TEX2: variants seen among roughly 807,000 people sequenced by gnomAD.
TEX2 encodes the protein testis-expressed protein 2.
In TEX2, 53 loss-of-function variants were observed where a neutral mutation model predicts 106.9. That is an observed-to-expected ratio of 0.50 (90% CI 0.40 to 0.62). The LOEUF (loss-of-function observed/expected upper bound fraction) is 0.62. Ranked by LOEUF, TEX2 falls within the 20% of genes least tolerant of loss-of-function variation. The pLI is 0.00. For synonymous variants in TEX2, 523 were observed against 534.8 expected, an observed-to-expected ratio of 0.98 and a Z score of 0.30; for missense variants, 1,207 against 1,379.0, an observed-to-expected ratio of 0.88 and a Z score of 1.98.
In TEX2 at chr17:64,171,138, T is replaced by C; in HGVS notation, c.2633A>G (p.Lys878Arg). 6.2e-7 allele frequency: 1 copy of C among 1,614,062 alleles called. No individual in the cohort carries two copies. Residue 878 changes from lysine (K) to arginine (R), a missense_variant, in exon 7 of 12, where the codon AAA becomes AGA. Physicochemically the swap from Lys to Arg is conservative, Grantham distance 26 (BLOSUM62 2). Transcript: ENST00000584379. The part of the protein sequence containing the change: ...TELDMGVAVP[K>R]ILQAFKPYVD... ...GTAAGGCTTGAAGGCCTGGAGGATT[T>C]TTGGCACAGCCACGCCCATGTCAAG...
At chr17:64,234,261 T>C (rs2033720454) in intron 1 of TEX2, among the ~76,000 whole-genome samples, 1 of 152,226 alleles carries the variant, frequency 6.6e-6, no homozygotes, top group Non-Finnish European at 1.5e-5. Context: ...ATGGCTGTAT[T>C]GGGGCTCCAT....
intron 1 of TEX2, among the ~76,000 whole-genome samples, chr17:64,227,062 C>T (rs1237937878): frequency 6.6e-6 from 1 of 151,914 alleles, no homozygotes; most frequent in African/African-American, 2.4e-5. Context: ...CCCGCCTCTA[C>T]TGAAAATACA....
intron 2 of TEX2, among the ~76,000 whole-genome samples, chr17:64,200,011 A>G (rs2032606851): frequency 6.6e-6 from 1 of 152,264 alleles, no homozygotes; most frequent in Non-Finnish European, 1.5e-5. Context: ...ATGAGAGAAG[A>G]TAATCTAAGT....
Position 64,205,148 on chromosome 17 carries a change from G to C in TEX2, c.1644+7426C>G, listed in dbSNP as rs2032789208. On this transcript the variant is annotated intron_variant, in intron 2 of 11. Coordinates refer to ENST00000584379, the MANE Select transcript of TEX2 (RefSeq NM_001288732.2). The surrounding 1 kb of genome is among the most constrained non-coding windows in gnomAD (Gnocchi z 4.0). The stretch of plus-strand genomic sequence containing the variant: ...ACCTTCTGGTAAGTGAGGGCTGCCT[G>C]CATCAAAACATCTCACTGATTAGCC... Among the ~76,000 whole-genome samples the C allele has an allele frequency of 2.6e-5, 4 of 152,126 alleles. No homozygotes were observed. Among genetic ancestry groups the C allele is most frequent in the Admixed American group, 2.6e-4 (4 of 15,276 alleles).
In TEX2 at chr17:64,148,845, C is replaced by G; in HGVS notation, c.*124G>C. ...GGAATGGGCACTGGCAGGCAGAGGGCAGAAGCAGTCCTTTAAGAAACAGTA... is the reference window on the plus strand; with the variant it reads ...GGAATGGGCACTGGCAGGCAGAGGGGAGAAGCAGTCCTTTAAGAAACAGTA... On this transcript the variant is annotated 3_prime_UTR_variant, in exon 12 of 12. Coordinates refer to ENST00000584379, the MANE Select transcript of TEX2 (RefSeq NM_001288732.2). 8.0e-7 allele frequency: 1 copy of G among 1,246,464 alleles called. No individual in the cohort carries two copies. The highest frequency in any genetic ancestry group is 1.5e-5 in the African/African-American group (1 of 66,160). 77.2% of individuals were successfully genotyped at this position (1,246,464 alleles called of 1,614,324 possible). A position where few individuals can be genotyped will look rare whatever the true frequency, so the allele number is the denominator to read the frequency against.
chr17:64,241,202 T>C (rs1670645997), intron 1 of TEX2, among the ~76,000 whole-genome samples: 3 of 152,262 alleles, frequency 2.0e-5, no homozygotes, highest in South Asian at 2.1e-4. Flanking sequence ...TGGAAGACAG[T>C]TGGGAACTAC....
intron 1 of TEX2, among the ~76,000 whole-genome samples, chr17:64,221,408 C>T (rs1253014229): frequency 2.0e-5 from 3 of 152,016 alleles, no homozygotes; most frequent in African/African-American, 7.3e-5. Context: ...GACAGTTCTC[C>T]AAAAAGATAT....
intron 1 of TEX2, among the ~76,000 whole-genome samples, chr17:64,231,387 G>C (rs1245976271): frequency 6.6e-6 from 1 of 152,188 alleles, no homozygotes; most frequent in Non-Finnish European, 1.5e-5. Context: ...TGTGGTCACT[G>C]TTGTGCCCAT....
rs59960456 is a variant in TEX2 at position 64,196,982 on chromosome 17, ATTTTTTT to A, written c.1645-1894_1645-1888del. 9.4e-4 allele frequency among the ~76,000 whole-genome samples: 60 copies of A among 63,580 alleles called. 1 individual carries two copies. The East Asian group carries it at 9.5e-3, about 10-fold the overall frequency. 41.7% of individuals were successfully genotyped at this position (63,580 alleles called of 152,430 possible). On this transcript the variant is annotated intron_variant, in intron 2 of 11. Transcript: ENST00000584379. The stretch of plus-strand genomic sequence containing the variant: ...GAAATCAGGGAATAGTCAAATCAAG[ATTTTTTT>A]TTTTTTTTTTTTTTTTTGGAGAGCC...
intron 10 of TEX2, among the ~76,000 whole-genome samples, chr17:64,152,703 C>T (rs905021565): frequency 3.3e-5 from 5 of 152,218 alleles, no homozygotes; most frequent in African/African-American, 1.2e-4. Context: ...ATCTCATAAA[C>T]TTCATGTATT....
In TEX2 at chr17:64,171,168, G is replaced by C; in HGVS notation, c.2603C>G (p.Thr868Arg). ...CACAGCCACGCCCATGTCAAGTTCC[G>C]TCAGAGTGAGCTCATTCATAAAGTA... ...LPYFMNELTL[T>R]ELDMGVAVPK... The change falls in exon 7 of 12, where the codon ACG becomes AGG. Residue 868 changes from threonine (T) to arginine (R), a missense_variant. Coordinates refer to ENST00000584379, the MANE Select transcript of TEX2 (RefSeq NM_001288732.2). 2 of 1,614,012 alleles carry C rather than the reference G, an allele frequency of 1.2e-6. No individual in the cohort carries two copies. The highest frequency in any genetic ancestry group is 8.5e-7 in the Non-Finnish European group (1 of 1,179,956).
chr17:64,227,236 A>AG (rs1342179098), intron 1 of TEX2, among the ~76,000 whole-genome samples: 1 of 151,782 alleles, frequency 6.6e-6, no homozygotes, highest in African/African-American at 2.4e-5. Flanking sequence ...AAAAAAAAAA[A>AG]AAAGAAAATG....
At chr17:64,210,829 T>A (rs925174517) in intron 2 of TEX2, among the ~76,000 whole-genome samples, 16 of 152,172 alleles carry the variant, frequency 1.1e-4, no homozygotes, top group African/African-American at 3.9e-4. Context: ...GTTCTCCTTT[T>A]CATACATCTC....
At chr17:64,184,596 T>C (rs12951402) in intron 5 of TEX2, among the ~76,000 whole-genome samples, 80,021 of 152,118 alleles carry the variant, frequency 0.53, 22,940 homozygotes, top group East Asian at 0.82. Flanking sequence ...AAGTTTCTAA[T>C]TTTGATGAAG....
In TEX2 at chr17:64,188,197, C is replaced by T. The variant is rs1555628095; in HGVS notation, c.2395G>A (p.Ala799Thr). The change falls in exon 5 of 12, where the codon GCG becomes ACG. Residue 799 changes from alanine (A) to threonine (T), a missense_variant. Transcript: ENST00000584379. ...TTCCCAGCTGTGGGGCTGCTCTCCG[C>T]ACTCTGCAGGGGGCTCCTCTGGGGG... ...RSPQRSPLQS[A>T]ESSPTAGKKL... 1.2e-6 allele frequency: 2 copies of T among 1,611,330 alleles called. No individual in the cohort carries two copies. The highest frequency in any genetic ancestry group is 1.7e-6 in the Non-Finnish European group (2 of 1,180,008).
chr17:64,193,525 A>G (rs1286861759), intron 4 of TEX2, 34 bp downstream of exon 4: 1 of 1,398,836 alleles, frequency 7.1e-7, no homozygotes, highest in Non-Finnish European at 9.4e-7. Flanking sequence ...TGGCCCTTTA[A>G]AAATGCATAA....
chr17:64,251,485 C>T (rs2034090703), intron 1 of TEX2, among the ~76,000 whole-genome samples: 1 of 152,250 alleles, frequency 6.6e-6, no homozygotes, highest in South Asian at 2.1e-4. Flanking sequence ...TCTCTGGTTA[C>T]CAGAGGTGCT....
In TEX2 at chr17:64,245,644, G is replaced by A. The variant is rs116934935; in HGVS notation, c.-26+17524C>T. Among the ~76,000 whole-genome samples, 24 of 152,204 alleles carry A rather than the reference G, an allele frequency of 1.6e-4. No homozygotes were observed. In the East Asian group the frequency reaches 4.4e-3, roughly 28 times the overall value. ...TCACTGCCCAGTTTTTATTCTCCAC[G>A]TTTGTTTTCTTTTTAATACGATGAA... On this transcript the variant is annotated intron_variant, in intron 1 of 11. Transcript: ENST00000584379.
intron 2 of TEX2, among the ~76,000 whole-genome samples, chr17:64,201,984 T>A (rs1555630147): frequency 6.6e-6 from 1 of 152,202 alleles, no homozygotes; most frequent in East Asian, 1.9e-4. Context: ...CAGTGCTAGC[T>A]GTGTGAGACG....
Sources: allele counts gnomAD v4.1 joint callset (sites outside exome capture counted in the v4.1 genomes callset), GRCh38; gene constraint gnomAD v4.1.1; non-coding constraint Gnocchi (gnomAD v3.1); transcripts MANE v1.5; gene names NCBI Gene and HGNC (gene_info 2026-07-23, HGNC 2026-07-21).